TMEM232: variants seen among roughly 807,000 people sequenced by gnomAD.
TMEM232 encodes the protein transmembrane protein 232.
Under a neutral mutation model 78.8 loss-of-function variants are expected in TMEM232, and 80 were observed. The ratio of observed to expected loss-of-function variants is 1.01; its 90% CI spans 0.85 to 1.22. The LOEUF is 1.22. Among genes scored for constraint, TMEM232 ranks in the 50% most tolerant of loss-of-function variants. The probability of loss-of-function intolerance (pLI) is 0.00; values close to 1 mark genes in which losing one functional copy is unlikely to be tolerated. For missense variants in TMEM232, 881 were observed against 742.2 expected (o/e 1.19, Z -2.17); for synonymous variants, 297 against 254.3 (o/e 1.17, Z -1.60).
At chr5:110,542,044 T>A (rs1773190244) in intron 11 of TMEM232, among the ~76,000 whole-genome samples, 1 of 152,152 alleles carries the variant, frequency 6.6e-6, no homozygotes, top group Non-Finnish European at 1.5e-5. Context: ...GATGGTTGGA[T>A]ACACCTTTCA....
intron 12 of TMEM232, 122 bp from the exon 13 acceptor site, chr5:110,425,038 AG>A: frequency 2.6e-6 from 2 of 777,298 alleles, no homozygotes; most frequent in Non-Finnish European, 4.1e-6. Context: ...GTTAACATAA[AG>A]TATTTGTGTA....
intron 10 of TMEM232, among the ~76,000 whole-genome samples, chr5:110,573,494 T>A: frequency 6.6e-6 from 1 of 152,042 alleles, no homozygotes; most frequent in Non-Finnish European, 1.5e-5. Context: ...TAACTAATAT[T>A]TACTGAGTGA....
chr5:110,441,378 A>G (rs537482364), intron 12 of TMEM232, among the ~76,000 whole-genome samples: 10 of 152,286 alleles, frequency 6.6e-5, no homozygotes, highest in Admixed American at 2.6e-4. Flanking sequence ...AACACATGAA[A>G]TGTTATATGA....
chr5:110,654,573 A>C (rs1377389289), intron 2 of TMEM232, among the ~76,000 whole-genome samples: 2 of 152,190 alleles, frequency 1.3e-5, no homozygotes, highest in African/African-American at 4.8e-5. Context: ...GTTTGAAGTC[A>C]GGTAGCGTGA....
At chr5:110,479,035 T>C (rs997057341) in intron 12 of TMEM232, among the ~76,000 whole-genome samples, 3 of 151,148 alleles carry the variant, frequency 2.0e-5, no homozygotes, top group South Asian at 2.1e-4. Flanking sequence ...GTGGTAGAAC[T>C]AGAAATTCCT....
chr5:110,427,736 C>G (rs1380090622), intron 12 of TMEM232, among the ~76,000 whole-genome samples: 1 of 151,880 alleles, frequency 6.6e-6, no homozygotes, highest in Non-Finnish European at 1.5e-5. Flanking sequence ...TATTCCTGGG[C>G]TTGTAGATAC....
intron 12 of TMEM232, among the ~76,000 whole-genome samples, chr5:110,473,428 A>G (rs375876256): frequency 1.3e-4 from 20 of 151,950 alleles, no homozygotes; most frequent in South Asian, 8.3e-4. Flanking sequence ...AAAACAAAAG[A>G]TAAGTGTTGC....
intron 12 of TMEM232, among the ~76,000 whole-genome samples, chr5:110,437,646 A>G (rs1352713106): frequency 6.6e-6 from 1 of 151,808 alleles, no homozygotes; most frequent in East Asian, 1.9e-4. Flanking sequence ...ACAGTTAACA[A>G]TTAAAAAGAA....
intron 6 of TMEM232, among the ~76,000 whole-genome samples, chr5:110,626,659 A>G (rs1291439160): frequency 6.6e-6 from 1 of 152,070 alleles, no homozygotes; most frequent in Non-Finnish European, 1.5e-5. Context: ...GAAATAGTTC[A>G]CAATTTTTGC....
Position 110,405,570 on chromosome 5 carries a change from G to A in TMEM232, n.309-7716C>T, listed in dbSNP as rs1392390736. Among the ~76,000 whole-genome samples, 2 of 151,416 alleles carry A rather than the reference G, an allele frequency of 1.3e-5. 1 individual carries two copies. The highest frequency in any genetic ancestry group is 4.2e-4 in the South Asian group (2 of 4,816). On this transcript the variant is annotated intron_variant and non_coding_transcript_variant, in intron 2 of 8. Transcript: ENST00000507188. Reference sequence around the variant, plus strand: ...GATGAACTATTGTGGGAGAGAATTGGAAGTTGTAAAATAAAAAAAATTGAT... The same window carrying A: ...GATGAACTATTGTGGGAGAGAATTGAAAGTTGTAAAATAAAAAAAATTGAT...
chr5:110,738,251 G>A (rs76417911), upstream of TMEM232: 113 of 1,286,838 alleles, frequency 8.8e-5, no homozygotes, highest in East Asian at 5.9e-3. Context: ...AAAACAGGTA[G>A]TAGGGGACGC....
chr5:110,526,052 TCAAA>T lies in TMEM232; in HGVS notation c.1703+2532_1703+2535del, dbSNP rs535748035. On this transcript the variant is annotated intron_variant, in intron 12 of 13. Coordinates refer to ENST00000455884, the MANE Select transcript of TMEM232 (RefSeq NM_001039763.4). ...AAAAAAAAAAAAAAAAAAAAAAAAT[TCAAA>T]CAGACCAATACTTACAATGTACATA... Among the ~76,000 whole-genome samples, 4 of 131,312 alleles carry T rather than the reference TCAAA, an allele frequency of 3.0e-5. No homozygotes were observed. The South Asian group carries it at 9.1e-4, about 30-fold the overall frequency. 86.1% of individuals were successfully genotyped at this position (131,312 alleles called of 152,430 possible).
intron 3 of TMEM232, among the ~76,000 whole-genome samples, chr5:110,395,470 A>G (rs760208042): frequency 3.9e-5 from 6 of 152,158 alleles, no homozygotes; most frequent in South Asian, 2.1e-4. Context: ...AATAGTGTCT[A>G]TCCCAGTTAA....
intron 12 of TMEM232, among the ~76,000 whole-genome samples, chr5:110,434,872 A>G (rs1758252617): frequency 6.6e-6 from 1 of 152,054 alleles, no homozygotes; most frequent in Admixed American, 6.6e-5. Context: ...ATTCATCAAT[A>G]AATTCAGCAA....
chr5:110,431,757 G>A lies in TMEM232; in HGVS notation c.1704-6841C>T, dbSNP rs533001208. ...AAGTGAAATTAAGAAGTTGGTAGGT[G>A]TATATAACAGCAGATTAGACATAGC... is the stretch of plus-strand genomic sequence containing the variant. On this transcript the variant is annotated intron_variant, in intron 12 of 13. Transcript: ENST00000455884. Among the ~76,000 whole-genome samples the A allele has an allele frequency of 5.9e-5, 9 of 151,872 alleles. No homozygotes were observed. In the East Asian group the frequency reaches 1.7e-3, roughly 29 times the overall value.
chr5:110,566,045 A>C (rs1340101411), intron 11 of TMEM232, among the ~76,000 whole-genome samples: 1 of 151,710 alleles, frequency 6.6e-6, no homozygotes, highest in Non-Finnish European at 1.5e-5. Flanking sequence ...ACCCTTCCAG[A>C]TTTTGTGATT....
At chr5:110,720,828 T>C (rs1211301128) in intron 1 of TMEM232, 1 of 152,168 alleles carries the variant, frequency 6.6e-6, no homozygotes, top group Non-Finnish European at 1.5e-5. Flanking sequence ...CGTTAACACA[T>C]GCTCAACTGT....
Position 110,604,583 on chromosome 5 carries a change from C to T in TMEM232, c.1276+526G>A, listed in dbSNP as rs536819920. ...TACACCACCCAGGTTTGCCTAAATC[C>T]ATCTTTTGTTTTCAAGGAATATAAT... On this transcript the variant is annotated intron_variant, in intron 10 of 13. Coordinates refer to ENST00000455884, the MANE Select transcript of TMEM232 (RefSeq NM_001039763.4). Among the ~76,000 whole-genome samples, 4 of 152,230 alleles carry T rather than the reference C, an allele frequency of 2.6e-5. No homozygotes were observed. The East Asian group carries it at 7.7e-4, about 29-fold the overall frequency.
At chr5:110,689,152 C>T (rs1396898625) in intron 1 of TMEM232, among the ~76,000 whole-genome samples, 2 of 152,074 alleles carry the variant, frequency 1.3e-5, no homozygotes, top group African/African-American at 4.8e-5. Flanking sequence ...GCAAATAAAT[C>T]TCCAAAAATG....
Sources: allele counts gnomAD v4.1 joint callset (sites outside exome capture counted in the v4.1 genomes callset), GRCh38; gene constraint gnomAD v4.1.1; transcripts MANE v1.5; gene names NCBI Gene and HGNC (gene_info 2026-07-23, HGNC 2026-07-21).